Variants in DACH1 observed in about 807,000 individuals in gnomAD.
DACH1 encodes dachshund family transcription factor 1, also known as dachshund homolog 1.
In DACH1, 12 loss-of-function variants were observed where a neutral mutation model predicts 54.2. The ratio of observed to expected loss-of-function variants is 0.22; its 90% CI spans 0.14 to 0.36. The LOEUF (loss-of-function observed/expected upper bound fraction) is 0.36. Ranked by LOEUF, DACH1 falls within the 10% of genes least tolerant of loss-of-function variation. The pLI is 1.00. For synonymous variants in DACH1, 386 were observed against 366.2 expected, an observed-to-expected ratio of 1.05 and a Z score of -0.62; for missense variants, 805 against 929.8, an observed-to-expected ratio of 0.87 and a Z score of 1.75.
At chr13:71,657,061 C>T (rs914535876) in intron 2 of DACH1, among the ~76,000 whole-genome samples, 1 of 148,832 alleles carries the variant, frequency 6.7e-6, no homozygotes, top group Non-Finnish European at 1.5e-5. Context: ...TGTGCATATA[C>T]ATATCAAACA....
intron 1 of DACH1, among the ~76,000 whole-genome samples, chr13:71,787,310 A>G (rs1886634016): frequency 6.6e-6 from 1 of 152,212 alleles, no homozygotes; most frequent in Admixed American, 6.5e-5. Context: ...TGGCAAATAA[A>G]GTCTAGTTGT....
chr13:71,589,531 C>A (rs952915637), intron 3 of DACH1, among the ~76,000 whole-genome samples: 1 of 151,778 alleles, frequency 6.6e-6, no homozygotes, highest in Non-Finnish European at 1.5e-5. Flanking sequence ...AAATTATATA[C>A]TCATTTTGTA....
intron 3 of DACH1, among the ~76,000 whole-genome samples, chr13:71,608,151 G>T (rs1875026314): frequency 6.6e-6 from 1 of 151,724 alleles, no homozygotes; most frequent in African/African-American, 2.4e-5. Flanking sequence ...TGAATCTCTT[G>T]CAAAACATTT....
chr13:71,691,149 C>T (rs915113328), intron 1 of DACH1, among the ~76,000 whole-genome samples: 9 of 152,152 alleles, frequency 5.9e-5, no homozygotes, highest in Admixed American at 1.3e-4. Flanking sequence ...AAATGGTCGA[C>T]CATCATTCTG....
At chr13:71,664,643 T>A (rs1264312541) in intron 2 of DACH1, among the ~76,000 whole-genome samples, 1 of 151,968 alleles carries the variant, frequency 6.6e-6, no homozygotes. Flanking sequence ...TTTTCAAAAA[T>A]GGAAAGAAAT....
At chr13:71,675,838 G>A (rs1012331839) in intron 2 of DACH1, among the ~76,000 whole-genome samples, 2 of 151,740 alleles carry the variant, frequency 1.3e-5, no homozygotes, top group African/African-American at 4.8e-5. Flanking sequence ...TCTTATTGAC[G>A]GCAACTAAAT....
intron 3 of DACH1, among the ~76,000 whole-genome samples, chr13:71,601,434 A>G (rs539181230): frequency 1.3e-5 from 2 of 152,046 alleles, no homozygotes; most frequent in Non-Finnish European, 2.9e-5. Flanking sequence ...GCATCACTAC[A>G]TAGTAATTTA....
intron 10 of DACH1, among the ~76,000 whole-genome samples, chr13:71,469,873 G>A (rs1876916058): frequency 6.6e-6 from 1 of 152,100 alleles, no homozygotes; most frequent in Non-Finnish European, 1.5e-5. Flanking sequence ...GGTTTTCTAT[G>A]ATCTAAGATC....
rs1036550375 is a variant in DACH1, at chr13:71,734,863, C to A, written c.849-52953G>T. On this transcript the variant is annotated intron_variant, in intron 1 of 10. Coordinates refer to ENST00000613252, the MANE Select transcript of DACH1 (RefSeq NM_080759.6). ...CCCATATATATGTATATCCCATATA[C>A]GTATACCCCATATACATATACGTAT... is the stretch of plus-strand genomic sequence containing the variant. Among the ~76,000 whole-genome samples the A allele has an allele frequency of 1.6e-4, 24 of 145,824 alleles. 1 individual carries two copies. The highest frequency in any genetic ancestry group is 5.8e-4 in the African/African-American group (23 of 39,638).
At chr13:71,791,194 A>C (rs303949) in intron 1 of DACH1, among the ~76,000 whole-genome samples, 29,721 of 152,084 alleles carry the variant, frequency 0.2, 4,677 homozygotes, top group East Asian at 0.84. Context: ...CTCTTTACTT[A>C]CACCTAAAAG....
chr13:71,567,486 G>C (rs185710931), intron 4 of DACH1, among the ~76,000 whole-genome samples: 1 of 152,044 alleles, frequency 6.6e-6, no homozygotes, highest in East Asian at 1.9e-4. Context: ...CACCATAGAA[G>C]TATGACTATA....
At chr13:71,488,409 A>G (rs1878714006) in intron 7 of DACH1, among the ~76,000 whole-genome samples, 1 of 152,188 alleles carries the variant, frequency 6.6e-6, no homozygotes, top group South Asian at 2.1e-4. Context: ...TTTTTGATTC[A>G]TAATGTACTG....
At chr13:71,620,108 A>C (rs896214203) in intron 3 of DACH1, among the ~76,000 whole-genome samples, 2 of 151,974 alleles carry the variant, frequency 1.3e-5, no homozygotes, top group African/African-American at 4.8e-5. Context: ...TTTTTATGTA[A>C]AGTGAATATC....
intron 2 of DACH1, among the ~76,000 whole-genome samples, chr13:71,669,139 A>G (rs1174513372): frequency 1.3e-5 from 2 of 152,160 alleles, no homozygotes; most frequent in African/African-American, 2.4e-5. Context: ...ACACTTTGCA[A>G]AGTGTTTTGT....
At chr13:71,536,263 G>A (rs1220576595) in intron 6 of DACH1, among the ~76,000 whole-genome samples, 2 of 151,982 alleles carry the variant, frequency 1.3e-5, no homozygotes, top group East Asian at 3.9e-4. Flanking sequence ...CAAAATAATT[G>A]CTTTCAAAAA....
rs143043326 is a variant in DACH1 at position 71,787,725 on chromosome 13, C to T, written c.848+78197G>A. ...CTGAACTTAGTCTTGTGGGTCTGCG[C>T]TACAGTCTTAAATGAGTATTCCCGG... On this transcript the variant is annotated intron_variant, in intron 1 of 10. Coordinates refer to ENST00000613252, the MANE Select transcript of DACH1 (RefSeq NM_080759.6). Among the ~76,000 whole-genome samples the T allele has an allele frequency of 4.6e-3, 695 of 152,240 alleles. 2 individuals are homozygous for T. The highest frequency in any genetic ancestry group is 7.5e-3 in the Admixed American group (115 of 15,264).
chr13:71,770,276 T>C (rs1434759599), intron 1 of DACH1, among the ~76,000 whole-genome samples: 1 of 151,690 alleles, frequency 6.6e-6, no homozygotes, highest in Non-Finnish European at 1.5e-5. Context: ...TGCAATGAAA[T>C]CTTCACACTC....
intron 5 of DACH1, among the ~76,000 whole-genome samples, chr13:71,558,188 T>C (rs967461032): frequency 3.9e-5 from 6 of 152,086 alleles, no homozygotes; most frequent in Non-Finnish European, 8.8e-5. Context: ...GGTGACATTA[T>C]GCCTATATTG....
At chr13:71,638,210 T>A (rs1877630432) in intron 2 of DACH1, among the ~76,000 whole-genome samples, 1 of 152,340 alleles carries the variant, frequency 6.6e-6, no homozygotes, top group East Asian at 1.9e-4. Context: ...TATTTATGTC[T>A]GGCATTCTTC....
Sources: gnomAD v4.1 joint callset for allele counts (sites outside exome capture counted in the v4.1 genomes callset) on GRCh38, gnomAD v4.1.1 for gene constraint, MANE v1.5 for transcripts, NCBI Gene and HGNC (gene_info 2026-07-23, HGNC 2026-07-21) for gene names.